The following NAA11 variants were observed in gnomAD, a reference collection of about 807,000 sequenced individuals.
NAA11 encodes the protein N-alpha-acetyltransferase 11.
In NAA11, 15 loss-of-function variants were observed where a neutral mutation model predicts 16.1. The observed-to-expected ratio is 0.93, with a 90% CI of 0.62 to 1.44. The LOEUF (loss-of-function observed/expected upper bound fraction) is 1.44, where lower values mean the gene tolerates loss of function less well. NAA11 is among the 40% of genes most tolerant of loss of function. The pLI is 0.00. For missense variants in NAA11, 298 were observed against 291.3 expected, an observed-to-expected ratio of 1.02 and a Z score of -0.17; for synonymous variants, 122 against 112.4, an observed-to-expected ratio of 1.09 and a Z score of -0.54.
the NAA11 span, among the ~76,000 whole-genome samples, chr4:79,214,539 C>T: frequency 6.6e-6 from 1 of 152,124 alleles, no homozygotes; most frequent in Non-Finnish European, 1.5e-5. Flanking sequence ...GTGGCTCACG[C>T]CTGTAATACC....
At chr4:79,291,544 G>C (rs1723086008) in intron 2 of NAA11, among the ~76,000 whole-genome samples, 1 of 152,012 alleles carries the variant, frequency 6.6e-6, no homozygotes, top group African/African-American at 2.4e-5. Context: ...GACCAACATA[G>C]AGAAACCCTG....
chr4:79,313,133 G>C (rs971593009), downstream of NAA11, among the ~76,000 whole-genome samples: 1 of 151,544 alleles, frequency 6.6e-6, no homozygotes, highest in African/African-American at 2.4e-5. Context: ...TTCTTTTCTG[G>C]ACCATTAAAG....
At chr4:79,279,387 A>G (rs1722736416) in intron 2 of NAA11, among the ~76,000 whole-genome samples, 2 of 152,122 alleles carry the variant, frequency 1.3e-5, no homozygotes, top group Admixed American at 6.6e-5. Flanking sequence ...TCAGGGTTAT[A>G]TTGCAAGTCT....
rs9990896 is a variant in NAA11 at position 79,255,343 on chromosome 4, A to T, written c.*123-29073T>A. ...TAATTTTTTAAACTCTTCTTTACTGATATTAATATCAATATTCTGTATTAC... is the reference window on the plus strand; with the variant it reads ...TAATTTTTTAAACTCTTCTTTACTGTTATTAATATCAATATTCTGTATTAC... On this transcript the variant is annotated intron_variant and NMD_transcript_variant, in intron 2 of 2. Transcript: ENST00000511542. 2.9e-3 allele frequency among the ~76,000 whole-genome samples: 445 copies of T among 152,206 alleles called. 4 individuals are homozygous for T. Among genetic ancestry groups the T allele is most frequent in the Middle Eastern group, 6.8e-3 (2 of 294 alleles).
At position 79,326,054 on chromosome 4, in the gene NAA11, G is replaced by C. The variant is rs1326431998; in HGVS notation, c.-177C>G. Reference sequence around the variant, plus strand: ...AGGAGCAGGAGATGGAAAAGATGGTGCCAAACTGCGGCTTTCAGAAGTGCG... The same window carrying C: ...AGGAGCAGGAGATGGAAAAGATGGTCCCAAACTGCGGCTTTCAGAAGTGCG... On this transcript the variant is annotated 5_prime_UTR_variant, in exon 1 of 2. Coordinates refer to ENST00000286794, the MANE Select transcript of NAA11 (RefSeq NM_032693.3). The C allele has an allele frequency of 6.6e-6, 4 of 609,834 alleles. No homozygotes were observed. Among genetic ancestry groups the C allele is most frequent in the Non-Finnish European group, 1.2e-5 (4 of 341,034 alleles). 37.8% of individuals were successfully genotyped at this position (609,834 alleles called of 1,614,324 possible).
At position 79,256,651 on chromosome 4, in the gene NAA11, A is replaced by ATATAT. The variant is rs1722113513; in HGVS notation, c.*123-30382_*123-30381insATATA. On this transcript the variant is annotated intron_variant and NMD_transcript_variant, in intron 2 of 2. Transcript: ENST00000511542. ...AATGAACCATATATATATAAATATAAATATATATATATATATATTGACACG... is the reference window on the plus strand; with the variant it reads ...AATGAACCATATATATATAAATATAATATATATATATATATATATATATTGACACG... 6.9e-5 allele frequency among the ~76,000 whole-genome samples: 9 copies of ATATAT among 130,746 alleles called. No individual in the cohort carries two copies. In the South Asian group the frequency reaches 1.4e-3, roughly 20 times the overall value. The allele number at this position is 130,746 out of a possible 152,430, so 85.8% of individuals were successfully genotyped here. A position where few individuals can be genotyped will look rare whatever the true frequency, so the allele number is the denominator to read the frequency against.
At chr4:79,220,845 T>G (rs907511425), downstream of NAA11, among the ~76,000 whole-genome samples, 4 of 152,178 alleles carry the variant, frequency 2.6e-5, no homozygotes, top group Non-Finnish European at 5.9e-5. Flanking sequence ...TAGGATTGAC[T>G]TGGCGATGTG....
chr4:79,303,122 A>ATATAT (rs1723460814), intron 1 of NAA11, among the ~76,000 whole-genome samples: 4 of 113,520 alleles, frequency 3.5e-5, no homozygotes, highest in Admixed American at 9.2e-5. Flanking sequence ...ATATATATAT[A>ATATAT]CCTCCCAACA....
intron 1 of NAA11, among the ~76,000 whole-genome samples, chr4:79,297,345 G>A (rs184675713): frequency 2.6e-5 from 4 of 152,306 alleles, no homozygotes; most frequent in African/African-American, 4.8e-5. Context: ...TGGACAGAGA[G>A]GGCCTCAGCG....
chr4:79,213,879 T>A, the NAA11 span, among the ~76,000 whole-genome samples: 1 of 152,220 alleles, frequency 6.6e-6, no homozygotes, highest in Non-Finnish European at 1.5e-5. Flanking sequence ...AAGTCATTGA[T>A]GTTTCCACTT....
chr4:79,188,120 CT>C, the NAA11 span, among the ~76,000 whole-genome samples: 1 of 151,476 alleles, frequency 6.6e-6, no homozygotes, highest in Non-Finnish European at 1.5e-5. Context: ...ATTTTCTCCC[CT>C]TTTTTGAATG....
At chr4:79,272,138 G>A (rs17441194) in intron 2 of NAA11, among the ~76,000 whole-genome samples, 2 of 150,824 alleles carry the variant, frequency 1.3e-5, no homozygotes, top group African/African-American at 2.4e-5. Context: ...CACAAATAAG[G>A]CTCCACAGAT....
chr4:79,314,482 CAAAG>C (rs1723870802), downstream of NAA11, among the ~76,000 whole-genome samples: 1 of 151,702 alleles, frequency 6.6e-6, no homozygotes, highest in South Asian at 2.1e-4. Flanking sequence ...GAGCCAGAGA[CAAAG>C]AAACTGCATT....
the NAA11 span, among the ~76,000 whole-genome samples, chr4:79,160,135 G>A: frequency 6.6e-6 from 1 of 151,902 alleles, no homozygotes; most frequent in Non-Finnish European, 1.5e-5. Context: ...GGGATTACAG[G>A]TGCCTGCCAC....
At chr4:79,167,792 C>A in the NAA11 span, among the ~76,000 whole-genome samples, 1 of 151,966 alleles carries the variant, frequency 6.6e-6, no homozygotes, top group Non-Finnish European at 1.5e-5. Context: ...GAAGGGGAAG[C>A]CAGCACTTCA....
At chr4:79,202,158 A>G in the NAA11 span, among the ~76,000 whole-genome samples, 1 of 151,550 alleles carries the variant, frequency 6.6e-6, no homozygotes, top group African/African-American at 2.4e-5. Context: ...GATTCTGCAT[A>G]TGAGTCAGAT....
In NAA11 at chr4:79,326,061, T is replaced by C; in HGVS notation, c.-184A>G. The C allele has an allele frequency of 1.7e-6, 1 of 602,570 alleles. No individual in the cohort carries two copies. Among genetic ancestry groups the C allele is most frequent in the South Asian group, 2.2e-5 (1 of 44,944 alleles). The allele number at this position is 602,570 out of a possible 1,614,324, so 37.3% of individuals were successfully genotyped here. On this transcript the variant is annotated 5_prime_UTR_variant, in exon 1 of 2. Coordinates refer to ENST00000286794, the MANE Select transcript of NAA11 (RefSeq NM_032693.3). Reference sequence around the variant, plus strand: ...GGAGATGGAAAAGATGGTGCCAAACTGCGGCTTTCAGAAGTGCGTCACTGA... The same window carrying C: ...GGAGATGGAAAAGATGGTGCCAAACCGCGGCTTTCAGAAGTGCGTCACTGA...
the NAA11 span, among the ~76,000 whole-genome samples, chr4:79,198,881 A>G: frequency 3.2e-4 from 49 of 152,022 alleles, 1 homozygote; most frequent in Admixed American, 1.2e-3. Flanking sequence ...TCATATTCAC[A>G]TACCCAAATT....
chr4:79,156,329 G>GTGTGTGTA, the NAA11 span, among the ~76,000 whole-genome samples: 1 of 149,282 alleles, frequency 6.7e-6, no homozygotes, highest in Non-Finnish European at 1.5e-5. Context: ...GTGTGTGTGT[G>GTGTGTGTA]TATATATATA....
Sources: gnomAD v4.1 joint callset for allele counts (sites outside exome capture counted in the v4.1 genomes callset) on GRCh38, gnomAD v4.1.1 for gene constraint, MANE v1.5 for transcripts, NCBI Gene and HGNC (gene_info 2026-07-23, HGNC 2026-07-21) for gene names.